The following OTUD6B variants were observed in gnomAD, a reference collection of about 807,000 sequenced individuals.
The protein encoded by OTUD6B is deubiquitinase OTUD6B.
A neutral mutation model predicts 36.9 loss-of-function variants in OTUD6B; 41 were observed. That is an observed-to-expected ratio of 1.11 (90% CI 0.87 to 1.44). The LOEUF is 1.44. Among genes scored for constraint, OTUD6B ranks in the 40% most tolerant of loss-of-function variants. The pLI, the probability that OTUD6B is intolerant of heterozygous loss-of-function variation, is 0.00. For synonymous variants in OTUD6B, 114 were observed against 114.2 expected (o/e 1.00, Z 0.01); for missense variants, 356 against 344.8 (o/e 1.03, Z -0.26).
Position 91,085,861 on chromosome 8 carries a change from A to G in OTUD6B, c.*993A>G, listed in dbSNP as rs1410212303. ...TACCAGATATTTCCCTTCTTGCCTC[A>G]TTCTCTAGGATTTGAATAAAACCTT... is the stretch of plus-strand genomic sequence containing the variant. On this transcript the variant is annotated 3_prime_UTR_variant, in exon 7 of 7. Coordinates refer to ENST00000404789, the MANE Select transcript of OTUD6B (RefSeq NM_016023.5). 4 of 151,998 alleles carry G rather than the reference A, an allele frequency of 2.6e-5. No homozygotes were observed. Among genetic ancestry groups the G allele is most frequent in the African/African-American group, 7.2e-5 (3 of 41,430 alleles). 9.4% of individuals were successfully genotyped at this position (151,998 alleles called of 1,614,324 possible). A position where few individuals can be genotyped will look rare whatever the true frequency, so the allele number is the denominator to read the frequency against.
At chr8:91,072,193 C>T (rs922942404) in intron 2 of OTUD6B, among the ~76,000 whole-genome samples, 8 of 152,102 alleles carry the variant, frequency 5.3e-5, no homozygotes, top group African/African-American at 1.4e-4. Flanking sequence ...TCTCATTTAA[C>T]CTCAGTAACA....
chr8:91,071,379 T>C (rs1226069279), intron 2 of OTUD6B, 90 bp downstream of exon 2: 1 of 959,842 alleles, frequency 1.0e-6, no homozygotes, highest in Non-Finnish European at 1.5e-6. Flanking sequence ...TTTTTTTTTT[T>C]TGAGACGGTG....
chr8:91,074,583 A>G (rs1178013813), intron 3 of OTUD6B, among the ~76,000 whole-genome samples: 1 of 152,130 alleles, frequency 6.6e-6, no homozygotes, highest in East Asian at 1.9e-4. Flanking sequence ...TTGAAGAGCT[A>G]TAAGGAAACT....
Position 91,080,731 on chromosome 8 carries a change from G to C in OTUD6B, c.690+1G>C. ...AGCTGCATGGGGAGGTCAGCTTGAG[G>C]TAAGTTTGTAGTTATTCATAGTGAT... On this transcript the variant is annotated splice_donor_variant, in intron 5 of 6. Transcript: ENST00000404789. LOFTEE classifies it high-confidence loss of function. 6.3e-7 allele frequency: 1 copy of C among 1,594,184 alleles called. No individual in the cohort carries two copies. Among genetic ancestry groups the C allele is most frequent in the South Asian group, 1.1e-5 (1 of 87,986 alleles).
intron 3 of OTUD6B, chr8:91,076,384 G>A (rs1258161677): frequency 7.1e-6 from 6 of 840,366 alleles, no homozygotes; most frequent in Non-Finnish European, 8.6e-6. Context: ...GAATTCAGTG[G>A]ATTTCTTACC....
chr8:91,076,825 C>T (rs1484524522), intron 3 of OTUD6B: 2 of 695,956 alleles, frequency 2.9e-6, no homozygotes, highest in African/African-American at 1.8e-5. Flanking sequence ...CTCTGTGATC[C>T]ACAGTTCTAG....
intron 3 of OTUD6B, among the ~76,000 whole-genome samples, chr8:91,077,670 G>A (rs1489900380): frequency 6.6e-6 from 1 of 151,914 alleles, no homozygotes; most frequent in Admixed American, 6.6e-5. Context: ...ATTGTAGAAT[G>A]TAACATATGA....
At chr8:91,083,711 G>A (rs1812950748) in intron 5 of OTUD6B, among the ~76,000 whole-genome samples, 1 of 152,102 alleles carries the variant, frequency 6.6e-6, no homozygotes, top group Non-Finnish European at 1.5e-5. Context: ...TGAATTTTGT[G>A]TTTAGATTTG....
chr8:91,078,292 C>G (rs1812837458), intron 3 of OTUD6B, 64 bp from the exon 4 acceptor site: 2 of 1,468,370 alleles, frequency 1.4e-6, no homozygotes, highest in African/African-American at 2.9e-5. Flanking sequence ...TTTCCCTTCC[C>G]TTAATAAATG....
chr8:91,072,739 A>G (rs1046429629), intron 2 of OTUD6B, among the ~76,000 whole-genome samples: 2 of 152,052 alleles, frequency 1.3e-5, no homozygotes, highest in African/African-American at 4.8e-5. Context: ...TTTTCTATTA[A>G]TGAGATAGTT....
At chr8:91,076,538 A>G (rs1288875868) in intron 3 of OTUD6B, 11 of 1,524,728 alleles carry the variant, frequency 7.2e-6, no homozygotes, top group Non-Finnish European at 8.8e-6. Context: ...AGTAAATAGT[A>G]CATGACATCA....
chr8:91,083,052 A>G (rs980714157), intron 5 of OTUD6B, among the ~76,000 whole-genome samples: 2 of 151,946 alleles, frequency 1.3e-5, no homozygotes, highest in Non-Finnish European at 2.9e-5. Flanking sequence ...TTAATGTTCA[A>G]TATTCACCAT....
In OTUD6B at chr8:91,078,602, C is replaced by T. The variant is rs759491780; in HGVS notation, c.562C>T (p.Gln188Ter). 1 of 1,602,492 alleles carries T rather than the reference C, an allele frequency of 6.2e-7. No homozygotes were observed. The highest frequency in any genetic ancestry group is 8.5e-7 in the Non-Finnish European group (1 of 1,173,798). ...GAGAAGTCAGACCGCTGAGTATATGCAAAGCCATGTGGAAGACTTTCTGCC... is the reference window on the plus strand; with the variant it reads ...GAGAAGTCAGACCGCTGAGTATATGTAAAGCCATGTGGAAGACTTTCTGCC... ...ALRSQTAEYM[Q>*]SHVEDFLPFL... Residue 188 changes from glutamine to a stop codon, truncating the protein, a stop_gained, in exon 4 of 7, where the codon CAA becomes TAA. Transcript: ENST00000404789. LOFTEE classifies it high-confidence loss of function.
intron 3 of OTUD6B, 126 bp downstream of exon 3, chr8:91,074,037 C>G (rs1289944941): frequency 3.6e-6 from 2 of 558,054 alleles, no homozygotes; most frequent in African/African-American, 3.8e-5. Flanking sequence ...TGTCTAGGCA[C>G]TTGAACTAAC....
Position 91,078,435 on chromosome 8 carries a change from A to G in OTUD6B, c.395A>G (p.His132Arg), listed in dbSNP as rs1336208700. The part of the protein sequence containing the change: ...AEIENLTGAR[H>R]MESEKLAQIL... ...ATTGAAAACTTAACAGGAGCCAGAC[A>G]TATGGAAAGTGAGAAACTTGCTCAA... The change falls in exon 4 of 7, where the codon CAT (histidine) becomes CGT (arginine). Residue 132 changes from histidine to arginine, a missense_variant. Coordinates refer to ENST00000404789, the MANE Select transcript of OTUD6B (RefSeq NM_016023.5). 3 of 1,600,728 alleles carry G rather than the reference A, an allele frequency of 1.9e-6. No homozygotes were observed. Among genetic ancestry groups the G allele is most frequent in the Middle Eastern group, 1.7e-4 (1 of 6,044 alleles).
At chr8:91,074,000 G>T in intron 3 of OTUD6B, 89 bp downstream of exon 3, 1 of 829,606 alleles carries the variant, frequency 1.2e-6, no homozygotes, top group Non-Finnish European at 1.8e-6. Flanking sequence ...TATAGGAAGA[G>T]AATGAAAAAA....
chr8:91,086,205 T>C lies in OTUD6B; in HGVS notation c.*1337T>C, dbSNP rs1813012411. The C allele has an allele frequency of 6.6e-6, 1 of 152,106 alleles. No homozygotes were observed. Among genetic ancestry groups the C allele is most frequent in the Non-Finnish European group, 1.5e-5 (1 of 67,976 alleles). The allele number at this position is 152,106 out of a possible 1,614,324, so 9.4% of individuals were successfully genotyped here. A position where few individuals can be genotyped will look rare whatever the true frequency, so the allele number is the denominator to read the frequency against. ...AAGATTTAGTATCGTTTATAACATTTGAATTTTTGCTCCATGAGTACAACT... is the reference window on the plus strand; with the variant it reads ...AAGATTTAGTATCGTTTATAACATTCGAATTTTTGCTCCATGAGTACAACT... On this transcript the variant is annotated 3_prime_UTR_variant, in exon 7 of 7. Transcript: ENST00000404789.
intron 5 of OTUD6B, 43 bp from the exon 6 acceptor site, chr8:91,083,965 T>G: frequency 6.5e-7 from 1 of 1,542,078 alleles, no homozygotes; most frequent in Non-Finnish European, 8.7e-7. Flanking sequence ...GAATGTGATT[T>G]ACATTTTTAT....
At chr8:91,070,497 C>G (rs1364135678) in intron 1 of OTUD6B, 31 bp downstream of exon 1, 1 of 1,550,318 alleles carries the variant, frequency 6.5e-7, no homozygotes, top group East Asian at 2.4e-5. Flanking sequence ...AATCTGGAAG[C>G]CGCCGCGACT....
Sources: allele counts gnomAD v4.1 joint callset (sites outside exome capture counted in the v4.1 genomes callset), GRCh38; gene constraint gnomAD v4.1.1; transcripts MANE v1.5; gene names NCBI Gene and HGNC (gene_info 2026-07-23, HGNC 2026-07-21).